Variants in EEPD1 observed in about 807,000 individuals in gnomAD.
EEPD1 encodes endonuclease/exonuclease/phosphatase family domain containing 1.
Under a neutral mutation model 46.3 loss-of-function variants are expected in EEPD1, and 17 were observed. The ratio of observed to expected loss-of-function variants is 0.37; its 90% CI spans 0.25 to 0.55. EEPD1 has a LOEUF of 0.55. Among genes scored for constraint, EEPD1 ranks in the 20% least tolerant of loss-of-function variants. EEPD1 has a pLI of 0.83. For missense variants in EEPD1, 673 were observed against 745.6 expected, an observed-to-expected ratio of 0.90 and a Z score of 1.13; for synonymous variants, 313 against 315.6, an observed-to-expected ratio of 0.99 and a Z score of 0.09.
chr7:36,219,502 A>AGAAG (rs1034971212), intron 2 of EEPD1, among the ~76,000 whole-genome samples: 1 of 149,450 alleles, frequency 6.7e-6, no homozygotes, highest in African/African-American at 2.5e-5. Flanking sequence ...CCTATTTCAA[A>AGAAG]GAAGGAAGGA....
chr7:36,248,133 C>T (rs1786670320), intron 3 of EEPD1, among the ~76,000 whole-genome samples: 1 of 152,094 alleles, frequency 6.6e-6, no homozygotes, highest in African/African-American at 2.4e-5. Context: ...ACTGGACACA[C>T]CTTTCATTTG....
chr7:36,282,867 G>A (rs980724451), intron 4 of EEPD1, among the ~76,000 whole-genome samples: 1 of 152,170 alleles, frequency 6.6e-6, no homozygotes, highest in African/African-American at 2.4e-5. Flanking sequence ...TCATTTTAAT[G>A]GGAAATTTCC....
At position 36,154,441 on chromosome 7, in the gene EEPD1, G is replaced by T. The variant is rs1784780961; in HGVS notation, c.117G>T (p.Arg39=). The part of the protein sequence containing the change: ...NFSNILVNQE[R]LNINTATEEE... The stretch of plus-strand genomic sequence containing the variant: ...GCAACATTCTAGTGAATCAGGAGCG[G>T]CTCAACATCAACACTGCCACGGAGG... The change falls in exon 2 of 8, where the codon CGG becomes CGT. Residue 39 remains arginine (R), a synonymous_variant. Transcript: ENST00000242108. This position sits in a 1 kb window ranked among gnomAD's most constrained non-coding sequence, Gnocchi z 4.2. 1.2e-6 allele frequency: 2 copies of T among 1,614,102 alleles called. No individual in the cohort carries two copies. Among genetic ancestry groups the T allele is most frequent in the Admixed American group, 1.7e-5 (1 of 60,010 alleles).
chr7:36,220,698 G>A (rs1425129383), intron 2 of EEPD1, among the ~76,000 whole-genome samples: 1 of 152,128 alleles, frequency 6.6e-6, no homozygotes, highest in African/African-American at 2.4e-5. Flanking sequence ...TGATGTCTGT[G>A]GTTCAGAGTG....
chr7:36,281,174 G>A lies in EEPD1; in HGVS notation c.990G>A (p.Arg330=), dbSNP rs1787255539. The A allele has an allele frequency of 6.2e-7, 1 of 1,614,046 alleles. No homozygotes were observed. The highest frequency in any genetic ancestry group is 1.1e-5 in the South Asian group (1 of 91,092). ...LPNIRKWKGP[R]GCWKAVVAEK... ...ACATCCGCAAGTGGAAGGGGCCCCG[G>A]GGATGCTGGAAGGCTGTTGTTGCTG... Residue 330 remains arginine (R), a synonymous_variant, in exon 4 of 8, where the codon CGG becomes CGA. Transcript: ENST00000242108.
At chr7:36,167,667 A>G (rs1785008970) in intron 2 of EEPD1, among the ~76,000 whole-genome samples, 1 of 152,094 alleles carries the variant, frequency 6.6e-6, no homozygotes, top group Non-Finnish European at 1.5e-5. Context: ...GGCACTGGGC[A>G]CCAATTTCAG....
chr7:36,262,693 G>A (rs995870119), intron 3 of EEPD1, among the ~76,000 whole-genome samples: 7 of 152,062 alleles, frequency 4.6e-5, no homozygotes, highest in African/African-American at 7.2e-5. Flanking sequence ...GAGGCATTTC[G>A]CCTGTACCAG....
intron 2 of EEPD1, among the ~76,000 whole-genome samples, chr7:36,186,395 G>A (rs754266685): frequency 1.4e-4 from 22 of 152,180 alleles, no homozygotes; most frequent in Non-Finnish European, 2.6e-4. Context: ...CATAAGTGGG[G>A]TCAACCTGAA....
chr7:36,207,420 G>C (rs1785841821), intron 2 of EEPD1, among the ~76,000 whole-genome samples: 1 of 152,196 alleles, frequency 6.6e-6, no homozygotes, highest in East Asian at 1.9e-4. Flanking sequence ...TCCATTTGGG[G>C]CAGAACTTCT....
chr7:36,234,020 C>T (rs749584165), intron 2 of EEPD1, among the ~76,000 whole-genome samples: 5 of 152,180 alleles, frequency 3.3e-5, no homozygotes, highest in Non-Finnish European at 5.9e-5. Flanking sequence ...CAGGCTTAAG[C>T]GATTCTCCCA....
rs144597437 is a variant in EEPD1 at position 36,244,949 on chromosome 7, T to G, written c.930+5913T>G. 3.3e-3 allele frequency among the ~76,000 whole-genome samples: 502 copies of G among 150,656 alleles called. 3 individuals carry two copies. Among genetic ancestry groups the G allele is most frequent in the African/African-American group, 0.011 (444 of 40,944 alleles). On this transcript the variant is annotated intron_variant, in intron 3 of 7. Transcript: ENST00000242108. The stretch of plus-strand genomic sequence containing the variant: ...CATTATGCCCGGCTAATGTTTTTTT[T>G]TTGTTGTTTTTTTTGAGATGGAGTC...
intron 2 of EEPD1, among the ~76,000 whole-genome samples, chr7:36,195,033 T>C (rs1010336722): frequency 6.6e-6 from 1 of 152,222 alleles, no homozygotes; most frequent in Admixed American, 6.5e-5. Context: ...CCACATCCTC[T>C]TTTGTTCATT....
intron 3 of EEPD1, among the ~76,000 whole-genome samples, chr7:36,260,364 C>A (rs1786902241): frequency 1.3e-5 from 2 of 152,222 alleles, no homozygotes; most frequent in African/African-American, 4.8e-5. Flanking sequence ...TTTGAATATA[C>A]CACTTCACTG....
intron 2 of EEPD1, among the ~76,000 whole-genome samples, chr7:36,180,519 C>T (rs1474009977): frequency 6.6e-6 from 1 of 152,180 alleles, no homozygotes; most frequent in African/African-American, 2.4e-5. Flanking sequence ...CCCACAGCTG[C>T]AGTCCTAAAG....
intron 2 of EEPD1, among the ~76,000 whole-genome samples, chr7:36,218,763 T>C (rs1786078069): frequency 6.6e-6 from 1 of 152,168 alleles, no homozygotes; most frequent in African/African-American, 2.4e-5. Flanking sequence ...CTCTTTTTGC[T>C]AAAAATATGT....
At chr7:36,275,985 AG>A (rs1423445916) in intron 3 of EEPD1, among the ~76,000 whole-genome samples, 1 of 152,202 alleles carries the variant, frequency 6.6e-6, no homozygotes, top group African/African-American at 2.4e-5. Flanking sequence ...TCTTTCTTTT[AG>A]GACTTGGCAT....
At chr7:36,284,982 C>T (rs929603561) in intron 5 of EEPD1, among the ~76,000 whole-genome samples, 162 bp downstream of exon 5, 3 of 152,196 alleles carry the variant, frequency 2.0e-5, no homozygotes, top group Non-Finnish European at 4.4e-5. Flanking sequence ...GCTTCCTTGG[C>T]AGGTGAACTT....
chr7:36,153,705 T>TGG, intron 1 of EEPD1, 31 bp downstream of exon 1: 1 of 152,226 alleles, frequency 6.6e-6, no homozygotes, highest in East Asian at 2.0e-4. Flanking sequence ...GCAGGTCGGG[T>TGG]GGGGGGTCGA....
chr7:36,259,052 G>A (rs1005426374), intron 3 of EEPD1, among the ~76,000 whole-genome samples: 1 of 152,138 alleles, frequency 6.6e-6, no homozygotes, highest in African/African-American at 2.4e-5. Context: ...GAAGTGCAGC[G>A]TTCCTTACAT....
Sources: gnomAD v4.1 joint callset for allele counts (sites outside exome capture counted in the v4.1 genomes callset) on GRCh38, gnomAD v4.1.1 for gene constraint, Gnocchi (gnomAD v3.1) non-coding constraint, MANE v1.5 for transcripts, NCBI Gene and HGNC (gene_info 2026-07-23, HGNC 2026-07-21) for gene names.